Variants in CFAP54 observed in about 807,000 individuals in gnomAD.
CFAP54 encodes the protein cilia and flagella associated protein 54.
A neutral mutation model predicts 370.4 loss-of-function variants in CFAP54; 290 were observed. The ratio of observed to expected loss-of-function variants is 0.78; its 90% confidence interval spans 0.71 to 0.86. CFAP54 has a LOEUF of 0.86. CFAP54 is among the 40% of genes least tolerant of loss of function. The pLI is 0.00. For missense variants in CFAP54, 3,399 were observed against 3,528.7 expected, an observed-to-expected ratio of 0.96 and a Z score of 0.93; for synonymous variants, 1,206 against 1,236.5, an observed-to-expected ratio of 0.98 and a Z score of 0.52.
intron 46 of CFAP54, among the ~76,000 whole-genome samples, chr12:96,701,185 A>C (rs542451897): frequency 6.6e-6 from 1 of 152,198 alleles, no homozygotes; most frequent in African/African-American, 2.4e-5. Flanking sequence ...TCTGTGTGAG[A>C]TTGATAGGTA....
At position 96,489,959 on chromosome 12, in the gene CFAP54, G is replaced by T. The variant is rs746309463; in HGVS notation, c.317+33G>T. 1.8e-5 allele frequency: 27 copies of T among 1,503,164 alleles called. No individual in the cohort carries two copies. The South Asian group carries it at 3.3e-4, about 19-fold the overall frequency. The allele number at this position is 1,503,164 out of a possible 1,614,324, so 93.1% of individuals were successfully genotyped here. ...CTGGCGGGGCACTGGGGAGGGCGCC[G>T]GCCAGAGGAGGGACCCCTGGAAAGG... On this transcript the variant is annotated intron_variant, in intron 1 of 67. Transcript: ENST00000524981.
At chr12:96,613,394 C>A (rs1488901896) in intron 26 of CFAP54, among the ~76,000 whole-genome samples, 1 of 152,148 alleles carries the variant, frequency 6.6e-6, no homozygotes, top group African/African-American at 2.4e-5. Flanking sequence ...ATTTATAGCA[C>A]TAAATGCGCA....
chr12:96,517,803 A>G (rs1019800919), intron 5 of CFAP54, among the ~76,000 whole-genome samples: 8 of 152,232 alleles, frequency 5.3e-5, no homozygotes, highest in African/African-American at 1.4e-4. Context: ...CAGAAGGCCA[A>G]TCATGGTGGA....
chr12:96,573,118 A>C, intron 19 of CFAP54: 4 of 833,366 alleles, frequency 4.8e-6, no homozygotes, highest in Non-Finnish European at 5.8e-6. Context: ...TACAGGCTCC[A>C]GACATAATCC....
intron 60 of CFAP54, among the ~76,000 whole-genome samples, chr12:96,781,058 G>C (rs1958575580): frequency 6.6e-6 from 1 of 152,030 alleles, no homozygotes; most frequent in Admixed American, 6.6e-5. Flanking sequence ...AAAAAAGAAA[G>C]GAAAGGAGGA....
At chr12:96,836,230 G>A (rs1409090180) in intron 66 of CFAP54, among the ~76,000 whole-genome samples, 2 of 152,152 alleles carry the variant, frequency 1.3e-5, no homozygotes, top group African/African-American at 2.4e-5. Context: ...GTCAGGCAGC[G>A]GGCTGAGGGA....
chr12:96,863,314 A>T (rs896909647), intron 67 of CFAP54, among the ~76,000 whole-genome samples: 5 of 152,154 alleles, frequency 3.3e-5, no homozygotes, highest in African/African-American at 1.2e-4. Flanking sequence ...TGGAGCATTT[A>T]CCTGACAGGC....
At chr12:96,545,273 G>A (rs1465778859) in intron 14 of CFAP54, among the ~76,000 whole-genome samples, 3 of 152,072 alleles carry the variant, frequency 2.0e-5, no homozygotes, top group Non-Finnish European at 4.4e-5. Context: ...GGGAAGGATA[G>A]CATTAGGAGA....
At chr12:96,681,045 T>G (rs1213089260) in intron 40 of CFAP54, among the ~76,000 whole-genome samples, 1 of 151,914 alleles carries the variant, frequency 6.6e-6, no homozygotes, top group Non-Finnish European at 1.5e-5. Flanking sequence ...ATTGTGCCAC[T>G]GCACTCCAGC....
intron 29 of CFAP54, among the ~76,000 whole-genome samples, chr12:96,626,393 A>G (rs1956549512): frequency 6.9e-6 from 1 of 143,970 alleles, no homozygotes; most frequent in African/African-American, 2.5e-5. Context: ...CTCAAAAAAC[A>G]AAAAAAAAAA....
At chr12:96,600,868 A>T (rs1956232847) in intron 26 of CFAP54, among the ~76,000 whole-genome samples, 1 of 152,154 alleles carries the variant, frequency 6.6e-6, no homozygotes, top group Non-Finnish European at 1.5e-5. Flanking sequence ...GGCTGAGATG[A>T]TGGGGTTTTC....
chr12:96,659,306 G>T (rs530396910), intron 38 of CFAP54, among the ~76,000 whole-genome samples: 2 of 152,040 alleles, frequency 1.3e-5, no homozygotes, highest in Non-Finnish European at 2.9e-5. Context: ...GCTAATTTTT[G>T]TATTTTTAGT....
intron 25 of CFAP54, among the ~76,000 whole-genome samples, chr12:96,595,898 C>T (rs1467331460): frequency 6.6e-6 from 1 of 152,110 alleles, no homozygotes; most frequent in Non-Finnish European, 1.5e-5. Context: ...CCCTCTGAAC[C>T]TTCATTGAGT....
intron 50 of CFAP54, among the ~76,000 whole-genome samples, chr12:96,732,586 A>G (rs1289938393): frequency 6.6e-6 from 1 of 152,226 alleles, no homozygotes; most frequent in African/African-American, 2.4e-5. Flanking sequence ...GAATTAATAA[A>G]TGTTAAGGAA....
Position 96,753,725 on chromosome 12 carries a change from G to C in CFAP54, c.7685-18G>C, listed in dbSNP as rs1420649. Reference sequence around the variant, plus strand: ...GTGTATTTTTTTGTTCTTCCCCACCGAACTGTTTTTCTTTTAGGACATACA... The same window carrying C: ...GTGTATTTTTTTGTTCTTCCCCACCCAACTGTTTTTCTTTTAGGACATACA... On this transcript the variant is annotated intron_variant, in intron 55 of 67. Coordinates refer to ENST00000524981, the MANE Select transcript of CFAP54 (RefSeq NM_001306084.2). The C allele has an allele frequency of 0.33, 523,366 of 1,604,378 alleles. 91,832 individuals carry two copies. Among genetic ancestry groups the C allele is most frequent in the East Asian group, 0.71 (31,583 of 44,684 alleles).
intron 26 of CFAP54, among the ~76,000 whole-genome samples, chr12:96,611,332 T>C (rs902178980): frequency 1.3e-5 from 2 of 152,152 alleles, no homozygotes; most frequent in Non-Finnish European, 1.5e-5. Context: ...GGGTCCTGAC[T>C]GTTAGAAGAA....
intron 58 of CFAP54, among the ~76,000 whole-genome samples, chr12:96,763,826 A>C (rs1383678146): frequency 2.0e-5 from 3 of 152,232 alleles, no homozygotes; most frequent in African/African-American, 7.2e-5. Flanking sequence ...CAAATAATTC[A>C]AATTCATTAT....
At chr12:96,620,376 T>C (rs1249197175) in intron 26 of CFAP54, among the ~76,000 whole-genome samples, 1 of 152,166 alleles carries the variant, frequency 6.6e-6, no homozygotes, top group East Asian at 1.9e-4. Context: ...AGTGAATAAG[T>C]CTCACGATAT....
intron 46 of CFAP54, among the ~76,000 whole-genome samples, chr12:96,703,831 A>G (rs189067460): frequency 1.2e-3 from 176 of 152,226 alleles, no homozygotes; most frequent in African/African-American, 3.9e-3. Context: ...GACTCTTTCA[A>G]TTTTCTCAGT....
Sources: gnomAD v4.1 joint callset for allele counts (sites outside exome capture counted in the v4.1 genomes callset) on GRCh38, gnomAD v4.1.1 for gene constraint, MANE v1.5 for transcripts, NCBI Gene and HGNC (gene_info 2026-07-23, HGNC 2026-07-21) for gene names.